GHR: variants seen among roughly 807,000 people sequenced by gnomAD.
The protein encoded by GHR is GH receptor.
In GHR, 35 loss-of-function variants were observed where a neutral mutation model predicts 67.1. The ratio of observed to expected loss-of-function variants is 0.52; its 90% CI spans 0.40 to 0.69. The LOEUF (loss-of-function observed/expected upper bound fraction) is 0.69. GHR is among the 30% of genes least tolerant of loss of function. The probability of loss-of-function intolerance (pLI) is 0.00; values close to 1 mark genes in which losing one functional copy is unlikely to be tolerated. For synonymous variants in GHR, 272 were observed against 269.1 expected (o/e 1.01, Z -0.10); for missense variants, 792 against 764.6 (o/e 1.04, Z -0.42).
At chr5:42,598,772 A>G (rs547028857) in intron 2 of GHR, among the ~76,000 whole-genome samples, 4 of 152,118 alleles carry the variant, frequency 2.6e-5, no homozygotes, top group Non-Finnish European at 4.4e-5. Flanking sequence ...TAGTTCCAGA[A>G]TTTTCTTTGT....
intron 3 of GHR, among the ~76,000 whole-genome samples, chr5:42,655,514 A>T (rs1242075344): frequency 1.3e-5 from 2 of 152,208 alleles, no homozygotes; most frequent in Non-Finnish European, 2.9e-5. Flanking sequence ...TTATTCATTC[A>T]TGTATGACGG....
intron 1 of GHR, among the ~76,000 whole-genome samples, chr5:42,539,354 T>C (rs1187205260): frequency 6.6e-6 from 1 of 152,182 alleles, no homozygotes; most frequent in African/African-American, 2.4e-5. Flanking sequence ...GTTGTTCAGA[T>C]TCTTTTGTCC....
intron 4 of GHR, among the ~76,000 whole-genome samples, chr5:42,690,879 ATTAAG>A (rs1177906959): frequency 2.0e-4 from 31 of 152,346 alleles, no homozygotes; most frequent in African/African-American, 6.7e-4. Flanking sequence ...GTGTGGAATC[ATTAAG>A]TTATTTGTAC....
At chr5:42,476,980 C>G (rs1043673334) in intron 1 of GHR, among the ~76,000 whole-genome samples, 1 of 151,854 alleles carries the variant, frequency 6.6e-6, no homozygotes, top group Admixed American at 6.6e-5. Context: ...GTGCTGCACC[C>G]ATTAACTCGT....
At chr5:42,705,665 C>T (rs572745304) in intron 6 of GHR, among the ~76,000 whole-genome samples, 1 of 152,152 alleles carries the variant, frequency 6.6e-6, no homozygotes, top group Admixed American at 6.6e-5. Flanking sequence ...ATTTGTTTTC[C>T]TGTTCATGCA....
chr5:42,658,500 T>C (rs894582590), intron 3 of GHR, among the ~76,000 whole-genome samples: 75 of 152,224 alleles, frequency 4.9e-4, no homozygotes, highest in African/African-American at 1.7e-3. Flanking sequence ...CAATCAATCA[T>C]GGTTAAAAAG....
chr5:42,509,950 A>G (rs576601476), intron 1 of GHR, among the ~76,000 whole-genome samples: 7 of 152,254 alleles, frequency 4.6e-5, no homozygotes, highest in Non-Finnish European at 8.8e-5. Flanking sequence ...AAACTTGAGA[A>G]TTTATCTCCT....
At chr5:42,460,710 GTGTTTC>G (rs1382621940) in intron 1 of GHR, among the ~76,000 whole-genome samples, 2 of 152,154 alleles carry the variant, frequency 1.3e-5, no homozygotes, top group Non-Finnish European at 2.9e-5. Flanking sequence ...CAAAAAAAGA[GTGTTTC>G]CTAATAGTTA....
At chr5:42,470,204 T>C (rs1472710218) in intron 1 of GHR, among the ~76,000 whole-genome samples, 1 of 147,796 alleles carries the variant, frequency 6.8e-6, no homozygotes, top group African/African-American at 2.5e-5. Flanking sequence ...ATTATATCTA[T>C]AACATAATAT....
intron 3 of GHR, among the ~76,000 whole-genome samples, chr5:42,662,049 A>G (rs2112867194): frequency 6.6e-6 from 1 of 152,360 alleles, no homozygotes; most frequent in Middle Eastern, 3.4e-3. Context: ...CAACAAGAAG[A>G]GCTAACTATC....
Position 42,538,449 on chromosome 5 carries a change from G to T in GHR, c.-11-27415G>T, listed in dbSNP as rs146145698. On this transcript the variant is annotated intron_variant, in intron 1 of 9. Coordinates refer to ENST00000230882, the MANE Select transcript of GHR (RefSeq NM_000163.5). ...TTCATATATGATGCTTAGCTTGCTG[G>T]ATAGAAAATTTTGGACTAATAATTG... 5.1e-3 allele frequency among the ~76,000 whole-genome samples: 770 copies of T among 152,252 alleles called. 4 individuals are homozygous for T. Among genetic ancestry groups the T allele is most frequent in the African/African-American group, 0.017 (719 of 41,546 alleles).
At position 42,598,071 on chromosome 5, in the gene GHR, A is replaced by G. The variant is rs545470567; in HGVS notation, c.71-30967A>G. ...AGAAGTTGGGTCTTTAAAGATGACA[A>G]GAGAAGACTGATCAGGTAGCAGTGA... On this transcript the variant is annotated intron_variant, in intron 2 of 9. Transcript: ENST00000230882. Among the ~76,000 whole-genome samples the G allele has an allele frequency of 1.4e-3, 220 of 152,334 alleles. 1 individual carries two copies. In the Middle Eastern group the frequency reaches 0.024, roughly 16 times the overall value.
chr5:42,702,289 T>C (rs1431618807), intron 6 of GHR, among the ~76,000 whole-genome samples: 1 of 152,140 alleles, frequency 6.6e-6, no homozygotes, highest in African/African-American at 2.4e-5. Context: ...ATAAGTGAGA[T>C]TATGTGGTAT....
chr5:42,654,416 A>C (rs73095800), intron 3 of GHR, among the ~76,000 whole-genome samples: 11,953 of 152,222 alleles, frequency 0.079, 546 homozygotes, highest in Middle Eastern at 0.15. Context: ...TTTCAAGATG[A>C]AGATTTGTAA....
chr5:42,567,412 A>G (rs1750003639), intron 2 of GHR, among the ~76,000 whole-genome samples: 1 of 152,214 alleles, frequency 6.6e-6, no homozygotes, highest in African/African-American at 2.4e-5. Context: ...CTGAGTGAAG[A>G]GAAAACATCA....
At chr5:42,448,214 G>A (rs902101097) in intron 1 of GHR, among the ~76,000 whole-genome samples, 1 of 152,084 alleles carries the variant, frequency 6.6e-6, no homozygotes, top group Non-Finnish European at 1.5e-5. Context: ...CCCACCAGTA[G>A]CGTAAAAGGG....
At chr5:42,483,638 G>C (rs1305878030) in intron 1 of GHR, among the ~76,000 whole-genome samples, 1 of 152,140 alleles carries the variant, frequency 6.6e-6, no homozygotes, top group East Asian at 1.9e-4. Flanking sequence ...CACGTTAGGG[G>C]AGGGAATCGA....
intron 8 of GHR, chr5:42,714,206 C>A (rs762677382): frequency 2.0e-5 from 3 of 152,302 alleles, no homozygotes; most frequent in Non-Finnish European, 4.4e-5. Context: ...CCGCGCCTGG[C>A]CCCATTTAAG....
intron 2 of GHR, among the ~76,000 whole-genome samples, chr5:42,605,339 C>A (rs1752580087): frequency 6.6e-6 from 1 of 151,962 alleles, no homozygotes; most frequent in East Asian, 1.9e-4. Context: ...CTCCCGACCT[C>A]AGGTGATCCG....
Sources: allele counts gnomAD v4.1 joint callset (sites outside exome capture counted in the v4.1 genomes callset), GRCh38; gene constraint gnomAD v4.1.1; transcripts MANE v1.5; gene names NCBI Gene and HGNC (gene_info 2026-07-23, HGNC 2026-07-21).